HS6ST3: variants seen among roughly 807,000 people sequenced by gnomAD.
The protein encoded by HS6ST3 is heparan sulfate 6-O-sulfotransferase 3, also known as heparan-sulfate 6-O-sulfotransferase 3.
A neutral mutation model predicts 36.7 loss-of-function variants in HS6ST3; 12 were observed. The observed-to-expected ratio is 0.33, with a 90% CI of 0.21 to 0.53. HS6ST3 has a LOEUF of 0.53. Among genes scored for constraint, HS6ST3 ranks in the 20% least tolerant of loss-of-function variants. The pLI, the probability that HS6ST3 is intolerant of heterozygous loss-of-function variation, is 0.95. For missense variants in HS6ST3, 584 were observed against 640.9 expected, an observed-to-expected ratio of 0.91 and a Z score of 0.96; for synonymous variants, 240 against 257.5, an observed-to-expected ratio of 0.93 and a Z score of 0.65.
At chr13:96,128,055 T>C (rs1348808340) in intron 1 of HS6ST3, among the ~76,000 whole-genome samples, 2 of 152,206 alleles carry the variant, frequency 1.3e-5, no homozygotes, top group Admixed American at 1.3e-4. Flanking sequence ...TGTCAAAGGC[T>C]TCGTGAATTG....
At chr13:96,713,783 G>T (rs1875627120) in intron 1 of HS6ST3, among the ~76,000 whole-genome samples, 1 of 151,738 alleles carries the variant, frequency 6.6e-6, no homozygotes, top group Non-Finnish European at 1.5e-5. Flanking sequence ...ATTTTTATTA[G>T]TTTTTATATG....
intron 1 of HS6ST3, among the ~76,000 whole-genome samples, chr13:96,460,360 C>A (rs1029262855): frequency 6.6e-6 from 1 of 152,056 alleles, no homozygotes; most frequent in South Asian, 2.1e-4. Context: ...TTTAAGTTGT[C>A]GATGGTTTTA....
At chr13:96,706,996 T>G (rs1052945065) in intron 1 of HS6ST3, among the ~76,000 whole-genome samples, 1 of 152,188 alleles carries the variant, frequency 6.6e-6, no homozygotes, top group Non-Finnish European at 1.5e-5. Context: ...GAAATCAGAC[T>G]AATACAACAT....
intron 1 of HS6ST3, among the ~76,000 whole-genome samples, chr13:96,781,897 C>T (rs188864872): frequency 1.2e-3 from 187 of 152,178 alleles, no homozygotes; most frequent in African/African-American, 3.9e-3. Flanking sequence ...TGTTATTAGT[C>T]GGTTGTCAAA....
At chr13:96,614,460 ACT>A (rs1275887654) in intron 1 of HS6ST3, among the ~76,000 whole-genome samples, 1 of 152,070 alleles carries the variant, frequency 6.6e-6, no homozygotes, top group African/African-American at 2.4e-5. Context: ...TGCAAGACCA[ACT>A]CAGAGTTAAG....
At chr13:96,274,735 A>G (rs1465845457) in intron 1 of HS6ST3, among the ~76,000 whole-genome samples, 2 of 152,064 alleles carry the variant, frequency 1.3e-5, no homozygotes, top group African/African-American at 4.8e-5. Flanking sequence ...TATTCTAATC[A>G]ACCAAGCGAA....
intron 1 of HS6ST3, among the ~76,000 whole-genome samples, chr13:96,650,145 C>A (rs116502599): frequency 0.056 from 8,545 of 152,024 alleles, 266 homozygotes; most frequent in Middle Eastern, 0.086. Context: ...ATCCCCCATA[C>A]CCTGCTCTAC....
At chr13:96,687,408 C>A (rs1317026262) in intron 1 of HS6ST3, among the ~76,000 whole-genome samples, 1 of 151,860 alleles carries the variant, frequency 6.6e-6, no homozygotes, top group African/African-American at 2.4e-5. Context: ...ATTTGGGCAA[C>A]TTATGTTTGT....
intron 1 of HS6ST3, among the ~76,000 whole-genome samples, chr13:96,725,024 A>G (rs1875967878): frequency 6.6e-6 from 1 of 152,198 alleles, no homozygotes; most frequent in Non-Finnish European, 1.5e-5. Flanking sequence ...AATTACTACA[A>G]TTACTCCGCA....
chr13:96,723,353 C>T (rs1446214025), intron 1 of HS6ST3, among the ~76,000 whole-genome samples: 2 of 152,098 alleles, frequency 1.3e-5, no homozygotes, highest in African/African-American at 4.8e-5. Flanking sequence ...TGATGAAGAA[C>T]CTCGCCCTAC....
At chr13:96,319,531 T>C (rs774205002) in intron 1 of HS6ST3, among the ~76,000 whole-genome samples, 63 of 152,356 alleles carry the variant, frequency 4.1e-4, no homozygotes, top group Middle Eastern at 3.4e-3. Flanking sequence ...TATTGGGTCA[T>C]AGGGTAACTC....
chr13:96,448,971 C>G (rs1022081329), intron 1 of HS6ST3, among the ~76,000 whole-genome samples: 1 of 151,966 alleles, frequency 6.6e-6, no homozygotes, highest in Non-Finnish European at 1.5e-5. Context: ...ATCTAGAAGT[C>G]TTTTCTTTAG....
chr13:96,464,890 A>G, intron 1 of HS6ST3, among the ~76,000 whole-genome samples: 1 of 151,162 alleles, frequency 6.6e-6, no homozygotes, highest in East Asian at 1.9e-4. Context: ...ATCACAGCAC[A>G]TAGTTATCCA....
intron 1 of HS6ST3, among the ~76,000 whole-genome samples, chr13:96,736,930 A>G (rs543707006): frequency 2.0e-5 from 3 of 152,250 alleles, no homozygotes; most frequent in Admixed American, 6.5e-5. Flanking sequence ...GATATGTCAG[A>G]ACCTATAACA....
At chr13:96,379,148 C>T (rs1366306886) in intron 1 of HS6ST3, among the ~76,000 whole-genome samples, 3 of 152,148 alleles carry the variant, frequency 2.0e-5, no homozygotes, top group East Asian at 3.8e-4. Context: ...CAGACTCTTT[C>T]ACTTGGGATC....
chr13:96,685,033 A>G (rs1392196026), intron 1 of HS6ST3, among the ~76,000 whole-genome samples: 1 of 152,148 alleles, frequency 6.6e-6, no homozygotes, highest in Admixed American at 6.6e-5. Flanking sequence ...GTAAAAAAAG[A>G]TCAATACATA....
In HS6ST3 at chr13:96,341,836, A is replaced by G. The variant is rs556539866; in HGVS notation, c.707+250267A>G. On this transcript the variant is annotated intron_variant, in intron 1 of 1. Coordinates refer to ENST00000376705, the MANE Select transcript of HS6ST3 (RefSeq NM_153456.4). ...GCTAAAAGTAGGACTCCCAAACTCC[A>G]TGGGATGCATTTTCATTCTTCTCTA... 9.2e-5 allele frequency among the ~76,000 whole-genome samples: 14 copies of G among 152,340 alleles called. No homozygotes were observed. The East Asian group carries it at 2.1e-3, about 23-fold the overall frequency.
intron 1 of HS6ST3, among the ~76,000 whole-genome samples, chr13:96,686,497 G>T (rs1260710173): frequency 6.6e-6 from 1 of 152,000 alleles, no homozygotes; most frequent in African/African-American, 2.4e-5. Flanking sequence ...GCACATCTGA[G>T]AAGCTTTGAT....
intron 1 of HS6ST3, among the ~76,000 whole-genome samples, chr13:96,613,734 A>G (rs2056463931): frequency 6.6e-6 from 1 of 152,232 alleles, no homozygotes; most frequent in African/African-American, 2.4e-5. Flanking sequence ...TAAACTCAGC[A>G]GTAAATACTA....
Sources: gnomAD v4.1 joint callset for allele counts (sites outside exome capture counted in the v4.1 genomes callset) on GRCh38, gnomAD v4.1.1 for gene constraint, MANE v1.5 for transcripts, NCBI Gene and HGNC (gene_info 2026-07-23, HGNC 2026-07-21) for gene names.